Variants in AGMO observed in about 807,000 individuals in gnomAD.
AGMO encodes glyceryl-ether monooxygenase.
In AGMO, 75 loss-of-function variants were observed where a neutral mutation model predicts 60.2. The ratio of observed to expected loss-of-function variants is 1.25; its 90% CI spans 1.03 to 1.51. AGMO has a LOEUF of 1.51. Among genes scored for constraint, AGMO ranks in the 40% most tolerant of loss-of-function variants. AGMO has a pLI of 0.00. For missense variants in AGMO, 763 were observed against 525.5 expected, an observed-to-expected ratio of 1.45 and a Z score of -4.42; for synonymous variants, 261 against 177.1, an observed-to-expected ratio of 1.47 and a Z score of -3.76.
At chr7:15,195,306 A>C in the AGMO span, among the ~76,000 whole-genome samples, 1 of 152,196 alleles carries the variant, frequency 6.6e-6, no homozygotes, top group Non-Finnish European at 1.5e-5. Context: ...AGCAAGAAAG[A>C]GAAAAGAGAA....
At chr7:15,158,594 C>G in the AGMO span, among the ~76,000 whole-genome samples, 2 of 152,154 alleles carry the variant, frequency 1.3e-5, no homozygotes, top group Non-Finnish European at 2.9e-5. Flanking sequence ...GAAATAGTTT[C>G]ATGCCAATGA....
At chr7:15,348,101 T>C (rs1005982232) in intron 12 of AGMO, among the ~76,000 whole-genome samples, 3 of 152,054 alleles carry the variant, frequency 2.0e-5, no homozygotes, top group Admixed American at 1.3e-4. Flanking sequence ...TTTATATTAA[T>C]GGTAATATTG....
At chr7:15,399,475 A>T (rs1222941650) in intron 5 of AGMO, among the ~76,000 whole-genome samples, 1 of 152,234 alleles carries the variant, frequency 6.6e-6, no homozygotes, top group Admixed American at 6.5e-5. Flanking sequence ...ACAGAAACTT[A>T]AAACATTTTT....
the AGMO span, among the ~76,000 whole-genome samples, chr7:15,143,432 T>C: frequency 1.4e-4 from 22 of 152,170 alleles, no homozygotes; most frequent in African/African-American, 5.1e-4. Flanking sequence ...CTCAAATTCC[T>C]TCCCTTTACC....
At chr7:15,286,201 G>T (rs1212909427) in intron 12 of AGMO, among the ~76,000 whole-genome samples, 9 of 151,922 alleles carry the variant, frequency 5.9e-5, no homozygotes, top group African/African-American at 2.2e-4. Context: ...AAGAGCAAAT[G>T]CAACAAAAAC....
chr7:15,276,658 C>G (rs1216298660), intron 12 of AGMO, among the ~76,000 whole-genome samples: 1 of 152,096 alleles, frequency 6.6e-6, no homozygotes, highest in Non-Finnish European at 1.5e-5. Context: ...TTCCTTCTCC[C>G]TTCAGAAATG....
At chr7:15,202,690 G>A (rs1409685021) in intron 12 of AGMO, among the ~76,000 whole-genome samples, 1 of 152,020 alleles carries the variant, frequency 6.6e-6, no homozygotes, top group African/African-American at 2.4e-5. Flanking sequence ...TGAAGGAGAA[G>A]TCAAGAATAA....
intron 3 of AGMO, among the ~76,000 whole-genome samples, chr7:15,446,594 T>G (rs1781704461): frequency 6.6e-6 from 1 of 152,194 alleles, no homozygotes; most frequent in Non-Finnish European, 1.5e-5. Flanking sequence ...GATTCTCAAA[T>G]GCTATGCCAT....
chr7:15,125,984 A>T, the AGMO span, among the ~76,000 whole-genome samples: 1 of 152,156 alleles, frequency 6.6e-6, no homozygotes, highest in East Asian at 1.9e-4. Flanking sequence ...ATAGTATATT[A>T]ATTAGTAATG....
Position 15,541,822 on chromosome 7 carries a change from A to G in AGMO, c.409+2950T>C, listed in dbSNP as rs543247187. ...TACATGTAAAGACAAAATTTTAAATACATAATATATTGTTTCTTCAAAACT... is the reference window on the plus strand; with the variant it reads ...TACATGTAAAGACAAAATTTTAAATGCATAATATATTGTTTCTTCAAAACT... On this transcript the variant is annotated intron_variant, in intron 3 of 12. Transcript: ENST00000342526. Among the ~76,000 whole-genome samples, 72 of 152,326 alleles carry G rather than the reference A, an allele frequency of 4.7e-4. 1 individual carries two copies. In the South Asian group the frequency reaches 9.9e-3, roughly 21 times the overall value.
intron 10 of AGMO, among the ~76,000 whole-genome samples, chr7:15,375,508 T>G (rs932102396): frequency 6.6e-6 from 1 of 151,294 alleles, no homozygotes; most frequent in Non-Finnish European, 1.5e-5. Context: ...GTGATTCTCT[T>G]GCCTCAGCCT....
intron 4 of AGMO, among the ~76,000 whole-genome samples, chr7:15,429,801 T>C (rs532704154): frequency 6.6e-6 from 1 of 152,064 alleles, no homozygotes; most frequent in Non-Finnish European, 1.5e-5. Flanking sequence ...TGGTTTCAAG[T>C]ACTTGGCTTT....
chr7:15,158,015 A>G, the AGMO span, among the ~76,000 whole-genome samples: 1 of 152,202 alleles, frequency 6.6e-6, no homozygotes, highest in African/African-American at 2.4e-5. Context: ...TCTAGGCACT[A>G]TTATATTCAA....
chr7:15,309,717 GTTA>G (rs1297212578), intron 12 of AGMO, among the ~76,000 whole-genome samples: 1 of 151,984 alleles, frequency 6.6e-6, no homozygotes, highest in Non-Finnish European at 1.5e-5. Context: ...AATAACCTTA[GTTA>G]TTATTATATT....
intron 12 of AGMO, among the ~76,000 whole-genome samples, chr7:15,341,179 G>C (rs1014745685): frequency 6.6e-6 from 1 of 152,038 alleles, no homozygotes; most frequent in Non-Finnish European, 1.5e-5. Context: ...GCAAATTTCT[G>C]CAGCCTGCTT....
intron 3 of AGMO, among the ~76,000 whole-genome samples, chr7:15,502,208 A>G (rs992590953): frequency 6.6e-6 from 1 of 151,946 alleles, no homozygotes; most frequent in Non-Finnish European, 1.5e-5. Flanking sequence ...TGCCTCTCCA[A>G]ATTTCTCTGA....
chr7:15,354,343 C>G (rs536444855), intron 12 of AGMO, among the ~76,000 whole-genome samples: 11 of 86,960 alleles, frequency 1.3e-4, no homozygotes, highest in Admixed American at 2.2e-4. Context: ...TGTATATACA[C>G]GCGTGTATAT....
At chr7:15,333,279 C>T (rs1011483448) in intron 12 of AGMO, among the ~76,000 whole-genome samples, 3 of 152,042 alleles carry the variant, frequency 2.0e-5, no homozygotes, top group African/African-American at 7.2e-5. Flanking sequence ...TCCCTTCTTC[C>T]CCACACACAT....
At chr7:15,444,634 G>T (rs1781651297) in intron 3 of AGMO, among the ~76,000 whole-genome samples, 2 of 151,988 alleles carry the variant, frequency 1.3e-5, no homozygotes, top group Admixed American at 6.6e-5. Flanking sequence ...GCTCCAACTG[G>T]GTGCATTTCC....
Sources: allele counts gnomAD v4.1 joint callset (sites outside exome capture counted in the v4.1 genomes callset), GRCh38; gene constraint gnomAD v4.1.1; transcripts MANE v1.5; gene names NCBI Gene and HGNC (gene_info 2026-07-23, HGNC 2026-07-21).